HGS: variants seen among roughly 807,000 people sequenced by gnomAD.
HGS encodes human growth factor-regulated tyrosine kinase substrate.
A neutral mutation model predicts 109.7 loss-of-function variants in HGS; 63 were observed. The observed-to-expected ratio is 0.57, with a 90% CI of 0.47 to 0.71. The LOEUF is 0.71. Ranked by LOEUF, HGS falls within the 30% of genes least tolerant of loss-of-function variation. HGS has a pLI of 0.00. For missense variants in HGS, 995 were observed against 1,068.3 expected, an observed-to-expected ratio of 0.93 and a Z score of 0.96; for synonymous variants, 546 against 437.3, an observed-to-expected ratio of 1.25 and a Z score of -3.10.
Position 81,701,642 on chromosome 17 carries a change from G to GT in HGS, c.*25dup, listed in dbSNP as rs1568221213. 1.3e-6 allele frequency: 2 copies of GT among 1,539,782 alleles called. No individual in the cohort carries two copies. The highest frequency in any genetic ancestry group is 8.7e-7 in the Non-Finnish European group (1 of 1,148,308). On this transcript the variant is annotated 3_prime_UTR_variant, in exon 22 of 22. Coordinates refer to ENST00000329138, the MANE Select transcript of HGS (RefSeq NM_004712.5). ...GACCCAGGCCATGCTCACGTCCGGA[G>GT]TAACACTACATACAGTTCACCTGAA...
chr17:81,701,551 C>T lies in HGS; in HGVS notation c.2267C>T (p.Ala756Val). The change falls in exon 22 of 22, where the codon GCC becomes GTC. Residue 756 changes from alanine to valine, a missense_variant. Around this residue, in one of 6 missense-constraint regions of HGS, gnomAD observed 326 missense variants for 309.7 expected, o/e 1.05. Coordinates refer to ENST00000329138, the MANE Select transcript of HGS (RefSeq NM_004712.5). ...GGPPQQQPPV[A>V]QQPQAQGPPA... ...CCCCCCCAGCAGCAGCCCCCCGTGG[C>T]CCAGCAACCGCAGGCACAGGGGCCG... 1.3e-6 allele frequency: 2 copies of T among 1,570,030 alleles called. No homozygotes were observed. Among genetic ancestry groups the T allele is most frequent in the Non-Finnish European group, 1.7e-6 (2 of 1,164,864 alleles).
At chr17:81,688,553 A>G (rs1568213167) in intron 4 of HGS, 151 bp from the exon 5 acceptor site, 3 of 893,146 alleles carry the variant, frequency 3.4e-6, no homozygotes, top group African/African-American at 1.7e-5. Context: ...AGGTTGGTGC[A>G]TGGCCCCCAC....
In HGS at chr17:81,700,839, G is replaced by C. The variant is rs368674269; in HGVS notation, c.2136+25G>C. ...GGTACAGTGACCTCCAGGCCCTGCT[G>C]GGGGCCAGGGTGGGGGAGCAGTTGA... On this transcript the variant is annotated intron_variant, in intron 20 of 21. Coordinates refer to ENST00000329138, the MANE Select transcript of HGS (RefSeq NM_004712.5). 4.5e-5 allele frequency: 72 copies of C among 1,599,744 alleles called. No homozygotes were observed. The East Asian group carries it at 1.1e-3, about 24-fold the overall frequency.
At chr17:81,689,835 C>T (rs2037037337) in intron 5 of HGS, among the ~76,000 whole-genome samples, 1 of 152,182 alleles carries the variant, frequency 6.6e-6, no homozygotes, top group Admixed American at 6.5e-5. Context: ...TCAAGAATAG[C>T]TCAAGGTCTT....
rs1472599067 is a variant in HGS at position 81,691,243 on chromosome 17, C to G, written c.538-204C>G. On this transcript the variant is annotated intron_variant, in intron 7 of 21. Transcript: ENST00000329138. This position sits in a 1 kb window ranked among gnomAD's most constrained non-coding sequence, Gnocchi z 5.3. Reference sequence around the variant, plus strand: ...TACTTTTAACTTACCTTATTTTCCCCAAAACGGTGGCTGGCGTTGAGACTC... The same window carrying G: ...TACTTTTAACTTACCTTATTTTCCCGAAAACGGTGGCTGGCGTTGAGACTC... 1.2e-5 allele frequency: 7 copies of G among 601,244 alleles called. No homozygotes were observed. Among genetic ancestry groups the G allele is most frequent in the African/African-American group, 1.9e-5 (1 of 53,920 alleles). The allele number at this position is 601,244 out of a possible 1,614,324, so 37.2% of individuals were successfully genotyped here.
In HGS at chr17:81,693,717, C is replaced by T; in HGVS notation, c.805C>T (p.Leu269=). Residue 269 remains leucine, a synonymous_variant, in exon 10 of 22, where the codon CTG becomes TTG. Transcript: ENST00000329138. ...GGAGGAGCTGCAGCTGGCCCTGGCG[C>T]TGTCACAGTCAGAGGCGGAGGAGAA... ...EEEELQLALA[L]SQSEAEEKER... The T allele has an allele frequency of 1.3e-6, 2 of 1,558,472 alleles. No individual in the cohort carries two copies. The highest frequency in any genetic ancestry group is 2.4e-5 in the East Asian group (1 of 42,010).
intron 5 of HGS, 126 bp downstream of exon 5, chr17:81,688,953 G>A: frequency 7.6e-7 from 1 of 1,307,412 alleles, no homozygotes; most frequent in Non-Finnish European, 1.1e-6. Flanking sequence ...GAGGAGGGCG[G>A]TGGCCTGGAG....
chr17:81,689,417 G>A (rs769180848), intron 5 of HGS, among the ~76,000 whole-genome samples: 15 of 152,174 alleles, frequency 9.9e-5, no homozygotes, highest in Non-Finnish European at 2.2e-4. Flanking sequence ...GGTCCCTCTC[G>A]GCCATTGTGG....
rs368257366 is a variant in HGS, at chr17:81,696,698, C to T, written c.1658C>T (p.Thr553Met). Residue 553 changes from threonine to methionine, a missense_variant, in exon 17 of 22, where the codon ACG (threonine) becomes ATG (methionine). Thr to Met is a moderately conservative substitution (Grantham distance 81). Transcript: ENST00000329138. ...RQMRLEQQKQ[T>M]VQMRAQMPAF... is the part of the protein sequence containing the mutation. ...ATGCGGCTGGAGCAGCAGAAGCAGA[C>T]GGTCCAGATGCGCGCGCAGATGCCC... The T allele has an allele frequency of 1.2e-5, 19 of 1,611,168 alleles. No homozygotes were observed. Among genetic ancestry groups the T allele is most frequent in the Middle Eastern group, 1.6e-4 (1 of 6,074 alleles).
chr17:81,688,567 C>T (rs1385752476), intron 4 of HGS, 137 bp from the exon 5 acceptor site: 14 of 1,068,666 alleles, frequency 1.3e-5, no homozygotes, highest in Non-Finnish European at 1.8e-5. Context: ...CCCCCACGCC[C>T]CACTCGGGGG....
chr17:81,699,066 C>CAA (rs66717663), intron 18 of HGS, among the ~76,000 whole-genome samples: 14 of 98,050 alleles, frequency 1.4e-4, no homozygotes, highest in East Asian at 8.0e-4. Flanking sequence ...GACTCCGTCT[C>CAA]AAAAAAAAAA....
In HGS at chr17:81,701,511, G is replaced by A; in HGVS notation, c.2227G>A (p.Ala743Thr). ...AGQQPMYQQMAPSGGPPQQQP... is the reference protein window; with the variant it reads ...AGQQPMYQQMTPSGGPPQQQP... ...TGCCTGCTTTCCTCCTGCACAGATG[G>A]CACCCTCTGGCGGTCCCCCCCAGCA... The change falls in exon 22 of 22, where the codon GCA becomes ACA. Residue 743 changes from alanine (A) to threonine (T), a missense_variant. Transcript: ENST00000329138. 2 of 1,554,518 alleles carry A rather than the reference G, an allele frequency of 1.3e-6. No individual in the cohort carries two copies. Among genetic ancestry groups the A allele is most frequent in the Non-Finnish European group, 8.6e-7 (1 of 1,156,626 alleles).
At chr17:81,690,136 G>A in intron 5 of HGS, 46 bp from the exon 6 acceptor site, 1 of 1,593,116 alleles carries the variant, frequency 6.3e-7, no homozygotes, top group Non-Finnish European at 8.6e-7. Flanking sequence ...CGGAAGTCTT[G>A]CAGGCCAGGT....
At position 81,701,525 on chromosome 17, in the gene HGS, T is replaced by TC. The variant is rs748765403; in HGVS notation, c.2248dup (p.Gln750ProfsTer91). ...CTGCACAGATGGCACCCTCTGGCGG[T>TC]CCCCCCCAGCAGCAGCCCCCCGTGG... On this transcript the variant is annotated frameshift_variant, in exon 22 of 22. Transcript: ENST00000329138. LOFTEE classifies it high-confidence loss of function. 4 of 1,557,850 alleles carry TC rather than the reference T, an allele frequency of 2.6e-6. No individual in the cohort carries two copies. Among genetic ancestry groups the TC allele is most frequent in the Non-Finnish European group, 2.6e-6 (3 of 1,158,864 alleles).
intron 8 of HGS, 88 bp from the exon 9 acceptor site, chr17:81,693,412 TAGA>T: frequency 1.1e-6 from 1 of 933,570 alleles, no homozygotes; most frequent in South Asian, 1.4e-5. Flanking sequence ...TGGGGACACT[TAGA>T]GGAGCCCGCA....
chr17:81,695,952 T>C lies in HGS; in HGVS notation c.1346T>C (p.Met449Thr), dbSNP rs1327545344. Reference protein sequence around the residue: ...VLSLFQSINGMHPQLLELLNQ... With the variant: ...VLSLFQSINGTHPQLLELLNQ... The stretch of plus-strand genomic sequence containing the variant: ...TCACTCTTCCAGTCCATCAACGGCA[T>C]GCACCCGCAGCTGCTGGAGCTGCTC... Residue 449 changes from methionine to threonine, a missense_variant, in exon 15 of 22, where the codon ATG becomes ACG. Around this residue, in one of 6 missense-constraint regions of HGS, gnomAD observed 163 missense variants for 217.8 expected, o/e 0.75. Transcript: ENST00000329138. 2.5e-6 allele frequency: 4 copies of C among 1,581,554 alleles called. No homozygotes were observed. The highest frequency in any genetic ancestry group is 3.4e-6 in the Non-Finnish European group (4 of 1,159,944).
At position 81,685,648 on chromosome 17, in the gene HGS, C is replaced by T; in HGVS notation, c.81C>T (p.Ser27=). 1.2e-6 allele frequency: 2 copies of T among 1,612,314 alleles called. No homozygotes were observed. Among genetic ancestry groups the T allele is most frequent in the Non-Finnish European group, 1.7e-6 (2 of 1,179,372 alleles). ...SQLLLETDWE[S]ILQICDLIRQ... Reference sequence around the variant, plus strand: ...TCCTGTTGGAGACAGATTGGGAGTCCATTTTGCAGATCTGCGACCTGATCC... The same window carrying T: ...TCCTGTTGGAGACAGATTGGGAGTCTATTTTGCAGATCTGCGACCTGATCC... The change falls in exon 2 of 22, where the codon TCC becomes TCT. Residue 27 remains serine, a synonymous_variant. Coordinates refer to ENST00000329138, the MANE Select transcript of HGS (RefSeq NM_004712.5).
chr17:81,696,398 G>A lies in HGS; in HGVS notation c.1435G>A (p.Asp479Asn). The A allele has an allele frequency of 6.3e-7, 1 of 1,587,076 alleles. No homozygotes were observed. Among genetic ancestry groups the A allele is most frequent in the Non-Finnish European group, 8.6e-7 (1 of 1,169,426 alleles). The change falls in exon 16 of 22, where the codon GAT (aspartate) becomes AAT (asparagine). Residue 479 changes from aspartate (D) to asparagine (N), a missense_variant. Coordinates refer to ENST00000329138, the MANE Select transcript of HGS (RefSeq NM_004712.5). ...GLQDKLAQIR[D>N]ARGALSALRE... ...GCAGGACAAGCTGGCACAGATCCGC[G>A]ATGCCCGGGGGGCGCTGAGTGCCCT...
Position 81,690,168 on chromosome 17 carries a change from C to T in HGS, c.416-14C>T, listed in dbSNP as rs1316926237. 1.9e-6 allele frequency: 3 copies of T among 1,612,020 alleles called. No individual in the cohort carries two copies. The African/African-American group carries it at 4.0e-5, about 22-fold the overall frequency. The stretch of plus-strand genomic sequence containing the variant: ...AGGTGGGAGCAGGCAGTGACTATGG[C>T]TTCATCTCTCCAGGGCACGTCTTTC... On this transcript the variant is annotated splice_polypyrimidine_tract_variant and intron_variant, in intron 5 of 21. Transcript: ENST00000329138.
Sources: gnomAD v4.1 joint callset for allele counts (sites outside exome capture counted in the v4.1 genomes callset) on GRCh38, gnomAD v4.1.1 for gene constraint, gnomAD v4.1.1 regional missense constraint, Gnocchi (gnomAD v3.1) non-coding constraint, MANE v1.5 for transcripts, NCBI Gene and HGNC (gene_info 2026-07-23, HGNC 2026-07-21) for gene names.